The following L1TD1 variants were observed in gnomAD, a reference collection of about 807,000 sequenced individuals.
L1TD1 encodes LINE1 type transposase domain containing 1, also known as LINE-1 type transposase domain-containing protein 1.
In L1TD1, 26 loss-of-function variants were observed where a neutral mutation model predicts 25.7. The observed-to-expected ratio is 1.01, with a 90% CI of 0.74 to 1.40. The LOEUF is 1.40. Among genes scored for constraint, L1TD1 ranks in the 40% most tolerant of loss-of-function variants. The pLI, the probability that L1TD1 is intolerant of heterozygous loss-of-function variation, is 0.00. For synonymous variants in L1TD1, 421 were observed against 335.6 expected, an observed-to-expected ratio of 1.25 and a Z score of -2.78; for missense variants, 1,130 against 975.0, an observed-to-expected ratio of 1.16 and a Z score of -2.12.
chr1:62,197,838 C>T (rs1670572578), intron 2 of L1TD1, among the ~76,000 whole-genome samples: 3 of 152,000 alleles, frequency 2.0e-5, no homozygotes, highest in Non-Finnish European at 4.4e-5. Context: ...ATTGTGCCAC[C>T]TGCACTTCAG....
intron 2 of L1TD1, among the ~76,000 whole-genome samples, chr1:62,204,660 T>C (rs951355640): frequency 6.6e-6 from 1 of 152,118 alleles, no homozygotes; most frequent in African/African-American, 2.4e-5. Context: ...CACCTTAACC[T>C]CCCAGAGTGC....
chr1:62,210,961 T>C lies in L1TD1; in HGVS notation c.2187T>C (p.Phe729=), dbSNP rs1186354771. The part of the protein sequence containing the change: ...DIIKEIIDEN[F]AELKKGSSLE... Reference sequence around the variant, plus strand: ...TTAAAGAAATAATTGATGAAAACTTTGCAGAACTAAAGAAAGGTTCAAGTC... The same window carrying C: ...TTAAAGAAATAATTGATGAAAACTTCGCAGAACTAAAGAAAGGTTCAAGTC... The change falls in exon 4 of 4, where the codon TTT becomes TTC. Residue 729 remains phenylalanine (F), a synonymous_variant. Coordinates refer to ENST00000498273, the MANE Select transcript of L1TD1 (RefSeq NM_019079.5). The C allele has an allele frequency of 6.5e-6, 10 of 1,545,390 alleles. No individual in the cohort carries two copies. The highest frequency in any genetic ancestry group is 1.2e-5 in the South Asian group (1 of 82,206).
rs1264982289 is a variant in L1TD1, at chr1:62,212,218, T to G, written c.*846T>G. The stretch of plus-strand genomic sequence containing the variant: ...AAGAGTTCAAGGCCATCCTGGGCAA[T>G]GTGGCGAAAGTGTCTACAAAAAAAT... On this transcript the variant is annotated 3_prime_UTR_variant, in exon 4 of 4. Coordinates refer to ENST00000498273, the MANE Select transcript of L1TD1 (RefSeq NM_019079.5). 6.6e-6 allele frequency: 1 copy of G among 152,080 alleles called. No individual in the cohort carries two copies. Among genetic ancestry groups the G allele is most frequent in the Non-Finnish European group, 1.5e-5 (1 of 68,016 alleles). The allele number at this position is 152,080 out of a possible 1,614,324, so 9.4% of individuals were successfully genotyped here.
chr1:62,210,822 A>G lies in L1TD1; in HGVS notation c.2048A>G (p.Gln683Arg). ...FSKDTMQMTK[Q>R]IISKERQRDI... ...AAGGATACAATGCAAATGACCAAAC[A>G]GATAATTAGTAAAGAAAGGCAAAGA... Residue 683 changes from glutamine to arginine, a missense_variant, in exon 4 of 4, where the codon CAG becomes CGG. Physicochemically the swap from Gln to Arg is conservative, Grantham distance 43 (BLOSUM62 1). Coordinates refer to ENST00000498273, the MANE Select transcript of L1TD1 (RefSeq NM_019079.5). The G allele has an allele frequency of 6.5e-7, 1 of 1,549,418 alleles. No individual in the cohort carries two copies. Among genetic ancestry groups the G allele is most frequent in the Non-Finnish European group, 8.7e-7 (1 of 1,146,536 alleles).
rs1670827099 is a variant in L1TD1 at position 62,209,965 on chromosome 1, TGAA to T, written c.1194_1196del (p.Glu398del). On this transcript the variant is annotated inframe_deletion, in exon 4 of 4. Coordinates refer to ENST00000498273, the MANE Select transcript of L1TD1 (RefSeq NM_019079.5). The stretch of plus-strand genomic sequence containing the variant: ...AAGAGGCCTCAGGGATGGAGGATGA[TGAA>T]GATACCTCAGGGCTGGAGGAGGAGG... 19 of 1,610,692 alleles carry T rather than the reference TGAA, an allele frequency of 1.2e-5. No individual in the cohort carries two copies. The East Asian group carries it at 2.9e-4, about 25-fold the overall frequency.
At chr1:62,204,337 A>G (rs1257116554) in intron 2 of L1TD1, among the ~76,000 whole-genome samples, 1 of 152,158 alleles carries the variant, frequency 6.6e-6, no homozygotes, top group East Asian at 1.9e-4. Flanking sequence ...TTAAGTCTAT[A>G]CATTTTCCTC....
chr1:62,203,454 C>T (rs1670679902), intron 2 of L1TD1, among the ~76,000 whole-genome samples: 1 of 152,104 alleles, frequency 6.6e-6, no homozygotes, highest in Admixed American at 6.5e-5. Flanking sequence ...CAGGGTCTCA[C>T]TCTGTCGCCC....
chr1:62,206,772 A>G lies in L1TD1; in HGVS notation c.144A>G (p.Val48=). Residue 48 remains valine, a synonymous_variant, in exon 3 of 4, where the codon GTA becomes GTG. Coordinates refer to ENST00000498273, the MANE Select transcript of L1TD1 (RefSeq NM_019079.5). ...APVLDLKCKD[V]SAIMNKFKVL... The stretch of plus-strand genomic sequence containing the variant: ...TATTAGATTTAAAATGCAAGGACGT[A>G]TCAGCAATTATGAATAAGTTTAAGG... The G allele has an allele frequency of 6.4e-7, 1 of 1,561,330 alleles. No homozygotes were observed. Among genetic ancestry groups the G allele is most frequent in the Non-Finnish European group, 8.7e-7 (1 of 1,151,200 alleles).
chr1:62,211,718 C>G lies in L1TD1; in HGVS notation c.*346C>G, dbSNP rs1670877195. On this transcript the variant is annotated 3_prime_UTR_variant, in exon 4 of 4. Coordinates refer to ENST00000498273, the MANE Select transcript of L1TD1 (RefSeq NM_019079.5). ...CGGTGGCTCACACCTGTAATCCCAG[C>G]ACTTTGGGAGGCCGAGGCGGGTGGA... 5.9e-6 allele frequency: 1 copy of G among 168,164 alleles called. No individual in the cohort carries two copies. Among genetic ancestry groups the G allele is most frequent in the African/African-American group, 2.4e-5 (1 of 41,660 alleles). The allele number at this position is 168,164 out of a possible 1,614,324, so 10.4% of individuals were successfully genotyped here.
At chr1:62,200,028 A>G (rs1670611875) in intron 2 of L1TD1, among the ~76,000 whole-genome samples, 1 of 152,168 alleles carries the variant, frequency 6.6e-6, no homozygotes, top group African/African-American at 2.4e-5. Flanking sequence ...TCCCTCTAGT[A>G]TACCAAAGAC....
chr1:62,207,110 C>G lies in L1TD1; in HGVS notation c.482C>G (p.Pro161Arg), dbSNP rs1421031051. ...EYNSNDGKKL[P>R]QGESRSYEVM... ...AATAGTAATGATGGTAAGAAATTACCCCAGGGTGAATCACGAAGTTACGAA... is the reference window on the plus strand; with the variant it reads ...AATAGTAATGATGGTAAGAAATTACGCCAGGGTGAATCACGAAGTTACGAA... The change falls in exon 3 of 4, where the codon CCC becomes CGC. Residue 161 changes from proline (P) to arginine (R), a missense_variant. Physicochemically the swap from Pro to Arg is moderately radical, Grantham distance 103. Coordinates refer to ENST00000498273, the MANE Select transcript of L1TD1 (RefSeq NM_019079.5). The G allele has an allele frequency of 1.9e-6, 3 of 1,604,260 alleles. No individual in the cohort carries two copies. The highest frequency in any genetic ancestry group is 8.5e-7 in the Non-Finnish European group (1 of 1,174,762).
rs751353392 is a variant in L1TD1 at position 62,209,769 on chromosome 1, T to G, written c.1009-14T>G. ...ACAAATAACTCTTTTTTTTCTTCTT[T>G]GTTTAACTTTCAGGATAAAACCCTA... On this transcript the variant is annotated splice_polypyrimidine_tract_variant and intron_variant, in intron 3 of 3. Transcript: ENST00000498273. 10 of 1,462,130 alleles carry G rather than the reference T, an allele frequency of 6.8e-6. No individual in the cohort carries two copies. Among genetic ancestry groups the G allele is most frequent in the Non-Finnish European group, 9.2e-6 (10 of 1,086,108 alleles). 90.6% of individuals were successfully genotyped at this position (1,462,130 alleles called of 1,614,324 possible).
intron 3 of L1TD1, among the ~76,000 whole-genome samples, chr1:62,209,139 C>T (rs1265995698): frequency 2.0e-5 from 3 of 152,112 alleles, no homozygotes; most frequent in South Asian, 4.2e-4. Context: ...TGCCATTAGA[C>T]CCTGCTTTAT....
Position 62,200,977 on chromosome 1 carries a change from G to C in L1TD1, c.-111+4449G>C, listed in dbSNP as rs1453141139. ...GGAGTCTTGCTCGCTCTGTTGCCCAGGCTGTAGTGCAGTGGCGTTAACCCT... is the reference window on the plus strand; with the variant it reads ...GGAGTCTTGCTCGCTCTGTTGCCCACGCTGTAGTGCAGTGGCGTTAACCCT... On this transcript the variant is annotated intron_variant, in intron 2 of 3. Coordinates refer to ENST00000498273, the MANE Select transcript of L1TD1 (RefSeq NM_019079.5). Among the ~76,000 whole-genome samples, 3 of 151,658 alleles carry C rather than the reference G, an allele frequency of 2.0e-5. No individual in the cohort carries two copies. In the East Asian group the frequency reaches 5.8e-4, roughly 29 times the overall value.
intron 2 of L1TD1, among the ~76,000 whole-genome samples, chr1:62,200,598 G>T (rs548025127): frequency 7.3e-4 from 111 of 152,000 alleles, no homozygotes; most frequent in Admixed American, 4.5e-3. Flanking sequence ...CTTATTAAAG[G>T]ACATTGTTTT....
In L1TD1 at chr1:62,206,534, G is replaced by T; in HGVS notation, c.-95G>T. 1.6e-6 allele frequency: 2 copies of T among 1,228,054 alleles called. No homozygotes were observed. The highest frequency in any genetic ancestry group is 2.1e-6 in the Non-Finnish European group (2 of 940,126). 76.1% of individuals were successfully genotyped at this position (1,228,054 alleles called of 1,614,324 possible). On this transcript the variant is annotated 5_prime_UTR_variant, in exon 3 of 4. Transcript: ENST00000498273. ...TGTATTTCAGATTGACGTATTTTAA[G>T]ATTTTTTTAACTTCTGAAGTCTAGC...
At chr1:62,196,971 G>A (rs1186827964) in intron 2 of L1TD1, among the ~76,000 whole-genome samples, 1 of 152,080 alleles carries the variant, frequency 6.6e-6, no homozygotes, top group Admixed American at 6.6e-5. Context: ...ATAATCTAGT[G>A]TGGGTCAGGA....
rs1461435389 is a variant in L1TD1, at chr1:62,207,514, C to G, written c.886C>G (p.Leu296Val). ...CDGEIKTFSD[L>V]QSLRKFASQK... ...TGGTGAAATAAAGACATTTTCAGAT[C>G]TGCAAAGCCTTAGAAAATTTGCCAG... Residue 296 changes from leucine (L) to valine (V), a missense_variant, in exon 3 of 4, where the codon CTG becomes GTG. Physicochemically the swap from Leu to Val is conservative, Grantham distance 32. Transcript: ENST00000498273. 1.9e-6 allele frequency: 3 copies of G among 1,551,458 alleles called. No individual in the cohort carries two copies.
Position 62,210,805 on chromosome 1 carries a change from A to C in L1TD1, c.2031A>C (p.Thr677=). 6.5e-7 allele frequency: 1 copy of C among 1,550,108 alleles called. No homozygotes were observed. The highest frequency in any genetic ancestry group is 8.7e-7 in the Non-Finnish European group (1 of 1,146,648). ...AAATTGAAGAATTCTCTAAGGATACAATGCAAATGACCAAACAGATAATTA... is the reference window on the plus strand; with the variant it reads ...AAATTGAAGAATTCTCTAAGGATACCATGCAAATGACCAAACAGATAATTA... The part of the protein sequence containing the change: ...EDQIEEFSKD[T]MQMTKQIISK... The change falls in exon 4 of 4, where the codon ACA becomes ACC. Residue 677 remains threonine, a synonymous_variant. Transcript: ENST00000498273.
Sources: allele counts gnomAD v4.1 joint callset (sites outside exome capture counted in the v4.1 genomes callset), GRCh38; gene constraint gnomAD v4.1.1; transcripts MANE v1.5; gene names NCBI Gene and HGNC (gene_info 2026-07-23, HGNC 2026-07-21).